ANKRD42: variants seen among roughly 807,000 people sequenced by gnomAD.
The protein encoded by ANKRD42 is ankyrin repeat domain-containing protein 42.
Under a neutral mutation model 51.5 loss-of-function variants are expected in ANKRD42, and 43 were observed. That is an observed-to-expected ratio of 0.83 (90% CI 0.65 to 1.08). The LOEUF is 1.08. Ranked by LOEUF, ANKRD42 falls within the 50% of genes least tolerant of loss-of-function variation. The pLI, the probability that ANKRD42 is intolerant of heterozygous loss-of-function variation, is 0.00. For missense variants in ANKRD42, 608 were observed against 629.3 expected, an observed-to-expected ratio of 0.97 and a Z score of 0.36; for synonymous variants, 203 against 213.0, an observed-to-expected ratio of 0.95 and a Z score of 0.41.
downstream of ANKRD42, chr11:83,256,191 G>A (rs566447152): frequency 8.7e-6 from 2 of 231,170 alleles, no homozygotes; most frequent in Admixed American, 5.2e-5. Context: ...AATTTTACAA[G>A]TATTCACATA....
chr11:83,239,688 A>T (rs952327728), intron 8 of ANKRD42, among the ~76,000 whole-genome samples: 1 of 152,098 alleles, frequency 6.6e-6, no homozygotes, highest in Non-Finnish European at 1.5e-5. Context: ...TCAGTTCTTG[A>T]TGTATGTGTG....
chr11:83,241,637 A>AG (rs1164336659), intron 9 of ANKRD42, among the ~76,000 whole-genome samples: 1 of 152,188 alleles, frequency 6.6e-6, no homozygotes, highest in Non-Finnish European at 1.5e-5. Context: ...CTGAAAGGTA[A>AG]GCAGGGACCC....
At chr11:83,235,510 T>C (rs1269594469) in intron 7 of ANKRD42, among the ~76,000 whole-genome samples, 3 of 152,200 alleles carry the variant, frequency 2.0e-5, no homozygotes, top group African/African-American at 7.2e-5. Flanking sequence ...AGAGCTAAGA[T>C]TGCATTTTTT....
At position 83,245,537 on chromosome 11, in the gene ANKRD42, T is replaced by G. The variant is rs1374574892; in HGVS notation, c.1235T>G (p.Leu412Arg). Residue 412 changes from leucine to arginine, a missense_variant, in exon 10 of 11, where the codon CTG becomes CGG. Leu to Arg is a moderately radical substitution (Grantham distance 102). Coordinates refer to ENST00000533342, the MANE Select transcript of ANKRD42 (RefSeq NM_001300975.2). Reference sequence around the variant, plus strand: ...AAAATTGTAGAATTGAGACACCTCCTGGAAATTGCCGAGAGCAACTATAAA... The same window carrying G: ...AAAATTGTAGAATTGAGACACCTCCGGGAAATTGCCGAGAGCAACTATAAA... ...YKKIVELRHL[L>R]EIAESNYKHL... The G allele has an allele frequency of 3.9e-6, 6 of 1,536,548 alleles. No homozygotes were observed. The highest frequency in any genetic ancestry group is 1.2e-5 in the South Asian group (1 of 84,052).
At chr11:83,200,600 T>A (rs1232291867) in intron 2 of ANKRD42, among the ~76,000 whole-genome samples, 1 of 152,252 alleles carries the variant, frequency 6.6e-6, no homozygotes, top group Non-Finnish European at 1.5e-5. Context: ...ATTGATGCAG[T>A]GAGAACTAGT....
chr11:83,220,611 G>A (rs1039370575), intron 5 of ANKRD42, among the ~76,000 whole-genome samples: 6 of 152,218 alleles, frequency 3.9e-5, no homozygotes, highest in African/African-American at 1.4e-4. Flanking sequence ...CGAATGGGTA[G>A]CCCTTCTGTC....
chr11:83,212,711 T>C, intron 5 of ANKRD42: 1 of 1,536,138 alleles, frequency 6.5e-7, no homozygotes. Flanking sequence ...TGGACTTACA[T>C]AATTTGGCAC....
Position 83,206,073 on chromosome 11 carries a change from C to T in ANKRD42, c.238C>T (p.Leu80Phe), listed in dbSNP as rs201130789. ...ATTTTCTTAGTGTCTTCATTGGCTG[C>T]TCTGGCATGGAGCTGATATCACACA... The part of the protein sequence containing the change: ...SGSLECLHWL[L>F]WHGADITHVT... Residue 80 changes from leucine to phenylalanine, a missense_variant, in exon 3 of 11, where the codon CTC becomes TTC. Transcript: ENST00000533342. 7 of 1,612,596 alleles carry T rather than the reference C, an allele frequency of 4.3e-6. No individual in the cohort carries two copies. The highest frequency in any genetic ancestry group is 3.3e-5 in the South Asian group (3 of 91,004).
At chr11:83,235,871 T>C (rs1248458161) in intron 7 of ANKRD42, among the ~76,000 whole-genome samples, 2 of 152,236 alleles carry the variant, frequency 1.3e-5, no homozygotes, top group Admixed American at 1.3e-4. Flanking sequence ...GGTAATTAAG[T>C]GTGGCTTTAC....
intron 8 of ANKRD42, among the ~76,000 whole-genome samples, chr11:83,240,033 G>T (rs1303999104): frequency 2.6e-5 from 4 of 152,088 alleles, no homozygotes. Context: ...GTGTGTGTTT[G>T]GTTATGTAAG....
At chr11:83,262,589 C>T (rs1394899946), downstream of ANKRD42, among the ~76,000 whole-genome samples, 1 of 152,114 alleles carries the variant, frequency 6.6e-6, no homozygotes, top group African/African-American at 2.4e-5. Flanking sequence ...TTTAGGGACT[C>T]CCTAGTCTCC....
chr11:83,227,370 C>T (rs1484623765), intron 6 of ANKRD42, among the ~76,000 whole-genome samples: 1 of 152,152 alleles, frequency 6.6e-6, no homozygotes. Flanking sequence ...ATCTCAGCCT[C>T]CCAAAGTGCT....
intron 6 of ANKRD42, 101 bp from the exon 7 acceptor site, chr11:83,227,646 A>G: frequency 7.8e-7 from 1 of 1,279,168 alleles, no homozygotes; most frequent in Non-Finnish European, 1.1e-6. Flanking sequence ...CAACAGCCTT[A>G]TATTTGAGAA....
chr11:83,232,101 C>CTTTTT (rs59648047), intron 7 of ANKRD42, among the ~76,000 whole-genome samples: 2 of 140,530 alleles, frequency 1.4e-5, no homozygotes, highest in Non-Finnish European at 3.1e-5. Flanking sequence ...TAAATTTTAG[C>CTTTTT]TTTTTTTTTT....
In ANKRD42 at chr11:83,194,527, A is replaced by G. The variant is rs1590952611; in HGVS notation, c.-144A>G. ...CCGCTGCAGCTTCTGGGAGAGAGCA[A>G]GAGAGGACCTTGGGCCCCGTCCTAG... On this transcript the variant is annotated 5_prime_UTR_variant, in exon 1 of 11. Coordinates refer to ENST00000533342, the MANE Select transcript of ANKRD42 (RefSeq NM_001300975.2). The G allele has an allele frequency of 1.3e-6, 1 of 779,016 alleles. No homozygotes were observed. The highest frequency in any genetic ancestry group is 1.4e-5 in the South Asian group (1 of 69,790). 48.3% of individuals were successfully genotyped at this position (779,016 alleles called of 1,614,324 possible).
intron 5 of ANKRD42, among the ~76,000 whole-genome samples, chr11:83,216,425 C>A (rs1040598705): frequency 6.6e-6 from 1 of 151,868 alleles, no homozygotes; most frequent in African/African-American, 2.4e-5. Flanking sequence ...CTGGGGTTCA[C>A]GCCATTCTCC....
chr11:83,230,453 G>A (rs1236284902), intron 7 of ANKRD42, among the ~76,000 whole-genome samples: 3 of 152,016 alleles, frequency 2.0e-5, no homozygotes, highest in East Asian at 1.9e-4. Context: ...CTTTGTGTCC[G>A]TGAGATCAAT....
chr11:83,242,567 G>GTTTTTTTTTTGTTTGTTTGTTTTT (rs770772334), intron 9 of ANKRD42, among the ~76,000 whole-genome samples: 4 of 115,546 alleles, frequency 3.5e-5, no homozygotes, highest in African/African-American at 1.0e-4. Context: ...TGGTAGTTAA[G>GTTTTTTTTTTGTTTGTTTGTTTTT]TTTTTTTTTT....
intron 8 of ANKRD42, among the ~76,000 whole-genome samples, chr11:83,237,421 G>T (rs1273270672): frequency 6.6e-6 from 1 of 152,162 alleles, no homozygotes; most frequent in Admixed American, 6.5e-5. Flanking sequence ...GTTGACACTT[G>T]TAAGCGTAAG....
Sources: gnomAD v4.1 joint callset for allele counts (sites outside exome capture counted in the v4.1 genomes callset) on GRCh38, gnomAD v4.1.1 for gene constraint, MANE v1.5 for transcripts, NCBI Gene and HGNC (gene_info 2026-07-23, HGNC 2026-07-21) for gene names.